Variants in SKAP2 observed in about 807,000 individuals in gnomAD.
The protein encoded by SKAP2 is src kinase associated phosphoprotein 2.
SKAP2 carries 28 observed loss-of-function variants against 54.9 expected under a neutral mutation model. The observed-to-expected ratio is 0.51, with a 90% CI of 0.38 to 0.70. The LOEUF (loss-of-function observed/expected upper bound fraction) is 0.70, where lower values mean the gene tolerates loss of function less well. Ranked by LOEUF, SKAP2 falls within the 30% of genes least tolerant of loss-of-function variation. The pLI, the probability that SKAP2 is intolerant of heterozygous loss-of-function variation, is 0.00. For synonymous variants in SKAP2, 137 were observed against 134.3 expected, an observed-to-expected ratio of 1.02 and a Z score of -0.14; for missense variants, 356 against 424.1, an observed-to-expected ratio of 0.84 and a Z score of 1.41.
At chr7:26,786,371 A>C (rs762168073) in intron 4 of SKAP2, among the ~76,000 whole-genome samples, 1 of 152,356 alleles carries the variant, frequency 6.6e-6, no homozygotes, top group African/African-American at 2.4e-5. Context: ...TAAAAAACAT[A>C]TAAGTAAGAT....
intron 4 of SKAP2, among the ~76,000 whole-genome samples, chr7:26,745,980 T>C (rs1782552221): frequency 6.6e-6 from 1 of 152,204 alleles, no homozygotes; most frequent in South Asian, 2.1e-4. Context: ...CTTCTCCAGT[T>C]CTAGTTCATT....
chr7:26,810,744 C>T (rs867229515), intron 4 of SKAP2, among the ~76,000 whole-genome samples: 3 of 152,074 alleles, frequency 2.0e-5, no homozygotes, highest in Non-Finnish European at 4.4e-5. Flanking sequence ...TCCAGTGGTG[C>T]GATCTCAGCT....
chr7:26,686,695 A>G (rs1452396350), intron 10 of SKAP2, among the ~76,000 whole-genome samples: 1 of 152,220 alleles, frequency 6.6e-6, no homozygotes, highest in Non-Finnish European at 1.5e-5. Context: ...TAGTCAGATT[A>G]AATCAATTGG....
chr7:26,684,465 T>C (rs1267791710), intron 11 of SKAP2, among the ~76,000 whole-genome samples: 2 of 152,214 alleles, frequency 1.3e-5, no homozygotes, highest in Admixed American at 6.5e-5. Context: ...CATAAGTATA[T>C]TGTTTCTGGA....
At position 26,864,419 on chromosome 7, in the gene SKAP2, G is replaced by C. The variant is rs1185879796; in HGVS notation, c.11C>G (p.Pro4Arg). Residue 4 changes from proline to arginine, a missense_variant, in exon 1 of 13, where the codon CCC (proline) becomes CGC (arginine). Physicochemically the swap from Pro to Arg is moderately radical, Grantham distance 103 (BLOSUM62 -2). Coordinates refer to ENST00000345317, the MANE Select transcript of SKAP2 (RefSeq NM_003930.5). ...GGGGTAGGGAGAGGAGGTGCTGCTG[G>C]GGTTGGGCATGTTAGGGAGCGCAGG... Reference protein sequence around the residue: MPNPSSTSSPYPLP... With the variant: MPNRSSTSSPYPLP... 5.6e-6 allele frequency: 9 copies of C among 1,609,486 alleles called. No individual in the cohort carries two copies. The highest frequency in any genetic ancestry group is 6.8e-6 in the Non-Finnish European group (8 of 1,177,732).
chr7:26,686,875 C>T (rs1191869748), intron 10 of SKAP2, among the ~76,000 whole-genome samples: 2 of 152,104 alleles, frequency 1.3e-5, no homozygotes, highest in Admixed American at 6.5e-5. Flanking sequence ...ATCTAAATGG[C>T]TGGTTTCTTT....
chr7:26,682,622 T>A (rs1383895338), intron 11 of SKAP2, among the ~76,000 whole-genome samples: 1 of 152,152 alleles, frequency 6.6e-6, no homozygotes, highest in Non-Finnish European at 1.5e-5. Context: ...CCTTAATAAA[T>A]ATGATCATGA....
chr7:26,857,305 T>C, intron 1 of SKAP2: 1 of 117,140 alleles, frequency 8.5e-6, no homozygotes, highest in Non-Finnish European at 1.2e-5. Context: ...AGAAACTGCT[T>C]TGCTTAAAAA....
chr7:26,790,165 C>T lies in SKAP2; in HGVS notation c.308-50201G>A, dbSNP rs1052992508. Among the ~76,000 whole-genome samples, 5 of 152,250 alleles carry T rather than the reference C, an allele frequency of 3.3e-5. No homozygotes were observed. The South Asian group carries it at 1.0e-3, about 32-fold the overall frequency. ...AGCTGAATTATAGGAGGATTCTTAG[C>T]CCCCTAATTACTTAGGTCTGGAAGC... On this transcript the variant is annotated intron_variant, in intron 4 of 12. Transcript: ENST00000345317.
chr7:26,851,542 G>A (rs1785043357), intron 3 of SKAP2, among the ~76,000 whole-genome samples: 1 of 151,976 alleles, frequency 6.6e-6, no homozygotes, highest in East Asian at 1.9e-4. Flanking sequence ...CAGGAAGGCG[G>A]ACATCACACA....
At chr7:26,741,253 A>G (rs114069188) in intron 4 of SKAP2, among the ~76,000 whole-genome samples, 1,796 of 152,098 alleles carry the variant, frequency 0.012, 35 homozygotes, top group African/African-American at 0.04. Context: ...GCAATGGCTC[A>G]TGCCTACAAT....
intron 4 of SKAP2, among the ~76,000 whole-genome samples, chr7:26,762,798 G>T (rs574102458): frequency 1.6e-4 from 25 of 152,260 alleles, no homozygotes; most frequent in African/African-American, 2.6e-4. Context: ...TCAAAGGAAA[G>T]AAATTTATAA....
In SKAP2 at chr7:26,783,807, G is replaced by C. The variant is rs111803087; in HGVS notation, c.308-43843C>G. ...GGGCCTGTTGTGAGGTGGGGGGAGCGGGGAGGGATAGCTTTAGGAGATATA... is the reference window on the plus strand; with the variant it reads ...GGGCCTGTTGTGAGGTGGGGGGAGCCGGGAGGGATAGCTTTAGGAGATATA... On this transcript the variant is annotated intron_variant, in intron 4 of 12. Transcript: ENST00000345317. Among the ~76,000 whole-genome samples, 6 of 152,100 alleles carry C rather than the reference G, an allele frequency of 3.9e-5. No individual in the cohort carries two copies. In the South Asian group the frequency reaches 8.3e-4, roughly 21 times the overall value.
intron 3 of SKAP2, among the ~76,000 whole-genome samples, chr7:26,844,433 A>G (rs1395312642): frequency 6.6e-6 from 1 of 152,148 alleles, no homozygotes; most frequent in Non-Finnish European, 1.5e-5. Flanking sequence ...AGAAGAATCC[A>G]AAAAGTAGAA....
At chr7:26,827,649 G>A (rs1784517989) in intron 4 of SKAP2, among the ~76,000 whole-genome samples, 1 of 152,018 alleles carries the variant, frequency 6.6e-6, no homozygotes, top group Non-Finnish European at 1.5e-5. Flanking sequence ...TTCAATCTGT[G>A]GTAAAGAACC....
chr7:26,715,959 T>G (rs1428545022), intron 9 of SKAP2, among the ~76,000 whole-genome samples: 1 of 152,248 alleles, frequency 6.6e-6, no homozygotes, highest in Non-Finnish European at 1.5e-5. Flanking sequence ...TATTTTCAAC[T>G]ACCTTTTCAG....
chr7:26,700,060 A>C (rs1365151302), intron 9 of SKAP2, among the ~76,000 whole-genome samples: 12 of 152,190 alleles, frequency 7.9e-5, no homozygotes, highest in Non-Finnish European at 1.5e-5. Context: ...GATTTGACCC[A>C]TGATTTTGTT....
chr7:26,680,592 T>A (rs1037110627), intron 11 of SKAP2, among the ~76,000 whole-genome samples: 1 of 152,226 alleles, frequency 6.6e-6, no homozygotes, highest in Admixed American at 6.5e-5. Context: ...ATAAATTTGA[T>A]CCATTTTTTA....
At chr7:26,790,836 A>G (rs1783658508) in intron 4 of SKAP2, among the ~76,000 whole-genome samples, 1 of 152,218 alleles carries the variant, frequency 6.6e-6, no homozygotes, top group Non-Finnish European at 1.5e-5. Flanking sequence ...GGACCTTAAA[A>G]TTATTACTAA....
Sources: gnomAD v4.1 joint callset for allele counts (sites outside exome capture counted in the v4.1 genomes callset) on GRCh38, gnomAD v4.1.1 for gene constraint, MANE v1.5 for transcripts, NCBI Gene and HGNC (gene_info 2026-07-23, HGNC 2026-07-21) for gene names.